The following TBX5 variants were observed in gnomAD, a reference collection of about 807,000 sequenced individuals.
The protein encoded by TBX5 is T-box transcription factor 5, also known as T-box transcription factor TBX5.
A neutral mutation model predicts 51.1 loss-of-function variants in TBX5; 8 were observed. That is an observed-to-expected ratio of 0.16 (90% CI 0.09 to 0.28). TBX5 has a LOEUF of 0.28. TBX5 is among the 10% of genes least tolerant of loss of function. The pLI, the probability that TBX5 is intolerant of heterozygous loss-of-function variation, is 1.00. For synonymous variants in TBX5, 302 were observed against 266.4 expected, an observed-to-expected ratio of 1.13 and a Z score of -1.30; for missense variants, 589 against 671.7, an observed-to-expected ratio of 0.88 and a Z score of 1.36.
At position 114,370,665 on chromosome 12, in the gene TBX5, A is replaced by C. The variant is rs866307121; in HGVS notation, c.756-4274T>G. Among the ~76,000 whole-genome samples the C allele has an allele frequency of 2.6e-3, 303 of 118,724 alleles. 1 individual carries two copies. Among genetic ancestry groups the C allele is most frequent in the African/African-American group, 9.9e-3 (268 of 27,024 alleles). 77.9% of individuals were successfully genotyped at this position (118,724 alleles called of 152,430 possible). A position where few individuals can be genotyped will look rare whatever the true frequency, so the allele number is the denominator to read the frequency against. ...TCTCTCTCTCTCTCTCTCTCTCTCTATCTATCTATCTTCCTCTTTTTTATA... is the reference window on the plus strand; with the variant it reads ...TCTCTCTCTCTCTCTCTCTCTCTCTCTCTATCTATCTTCCTCTTTTTTATA... On this transcript the variant is annotated intron_variant, in intron 7 of 8. Transcript: ENST00000405440.
chr12:114,365,956 AG>A (rs1280041359), intron 8 of TBX5: 3 of 650,690 alleles, frequency 4.6e-6, no homozygotes, highest in Non-Finnish European at 5.5e-6. Flanking sequence ...TCTCCAAAGG[AG>A]GGGCTGGAAC....
chr12:114,357,601 T>C (rs1233974870), intron 8 of TBX5, among the ~76,000 whole-genome samples: 2 of 152,204 alleles, frequency 1.3e-5, no homozygotes, highest in Non-Finnish European at 2.9e-5. Context: ...TCCGTCAACA[T>C]GAACAGCTCT....
intron 8 of TBX5, among the ~76,000 whole-genome samples, chr12:114,358,397 C>G (rs1232057032): frequency 6.6e-6 from 1 of 152,184 alleles, no homozygotes; most frequent in Non-Finnish European, 1.5e-5. Flanking sequence ...TGACTCAAGA[C>G]TAAATCCTTT....
Position 114,385,484 on chromosome 12 carries a change from T to C in TBX5, c.747A>G (p.Arg249=), listed in dbSNP as rs138552878. 135 of 1,614,110 alleles carry C rather than the reference T, an allele frequency of 8.4e-5. No homozygotes were observed. The African/African-American group carries it at 1.7e-3, about 20-fold the overall frequency. ...GGAATCCACTTTCCTACCTTTGCAT[T>C]CTTGACATTCTGTGCAGCTCCATGT... ...SDDMELHRMS[R]MQSKEYPVVP... Residue 249 remains arginine, a synonymous_variant, in exon 7 of 9, where the codon AGA becomes AGG. Transcript: ENST00000405440.
rs368311885 is a variant in TBX5, at chr12:114,403,799, C to A, written c.100G>T (p.Ala34Ser). 54 of 1,614,036 alleles carry A rather than the reference C, an allele frequency of 3.3e-5. No homozygotes were observed. The African/African-American group carries it at 5.5e-4, about 16-fold the overall frequency. The stretch of plus-strand genomic sequence containing the variant: ...GGGGACGACGGGGACTTGCTGGGGG[C>A]CCCGAGCGCGCTCTCGGGTTTCGAA... ...CDSKPESALG[A>S]PSKSPSSPQA... Residue 34 changes from alanine (A) to serine (S), a missense_variant, in exon 2 of 9, where the codon GCC becomes TCC. Ala to Ser is a moderately conservative substitution (Grantham distance 99). Transcript: ENST00000405440.
chr12:114,366,293 G>A lies in TBX5; in HGVS notation c.854C>T (p.Ser285Phe), dbSNP rs537547818. Residue 285 changes from serine (S) to phenylalanine (F), a missense_variant, in exon 8 of 9, where the codon TCC becomes TTC. By Grantham distance (155) the Ser-to-Phe change is radical. Transcript: ENST00000405440. ...SSESRALSTS[S>F]NLGSQYQCEN... is the part of the protein sequence containing the mutation. ...ACACTGGTATTGGGACCCCAAATTG[G>A]ATGAGGTGGAGAGAGCTCGAGACTC... is the stretch of plus-strand genomic sequence containing the variant. 6.2e-7 allele frequency: 1 copy of A among 1,614,110 alleles called. No homozygotes were observed. The highest frequency in any genetic ancestry group is 1.1e-5 in the South Asian group (1 of 91,072).
intron 8 of TBX5, among the ~76,000 whole-genome samples, chr12:114,357,374 C>T (rs1868984751): frequency 6.6e-6 from 1 of 152,136 alleles, no homozygotes; most frequent in African/African-American, 2.4e-5. Flanking sequence ...GCTTTGCATA[C>T]AATTTCAGGG....
chr12:114,393,795 C>T lies in TBX5; in HGVS notation c.663+946G>A, dbSNP rs572758079. Among the ~76,000 whole-genome samples, 8 of 152,306 alleles carry T rather than the reference C, an allele frequency of 5.3e-5. No individual in the cohort carries two copies. The East Asian group carries it at 1.4e-3, about 26-fold the overall frequency. Reference sequence around the variant, plus strand: ...TCCCAAGCAATGCAGGTCTGCCTCCCCTCACCAAGCTGTGGTTCTGCAGGC... The same window carrying T: ...TCCCAAGCAATGCAGGTCTGCCTCCTCTCACCAAGCTGTGGTTCTGCAGGC... On this transcript the variant is annotated intron_variant, in intron 6 of 8. Transcript: ENST00000405440.
At chr12:114,406,153 C>A, upstream of TBX5, 1 of 423,348 alleles carries the variant, frequency 2.4e-6, no homozygotes, top group Non-Finnish European at 3.2e-6. Flanking sequence ...CTGAAATCGC[C>A]TATCCAACTA....
intron 8 of TBX5, among the ~76,000 whole-genome samples, chr12:114,361,578 C>T (rs753394740): frequency 1.3e-5 from 2 of 152,072 alleles, no homozygotes; most frequent in Non-Finnish European, 2.9e-5. Flanking sequence ...TGGAGACAGC[C>T]GGTTCCAAAC....
At chr12:114,375,536 T>C (rs1382751092) in intron 7 of TBX5, among the ~76,000 whole-genome samples, 1 of 152,130 alleles carries the variant, frequency 6.6e-6, no homozygotes, top group African/African-American at 2.4e-5. Flanking sequence ...ATAATAAAAA[T>C]GTACAACTTC....
chr12:114,403,236 G>A (rs954055352), intron 2 of TBX5, among the ~76,000 whole-genome samples: 1 of 152,256 alleles, frequency 6.6e-6, no homozygotes, highest in Non-Finnish European at 1.5e-5. Context: ...CAAGACAAAT[G>A]GTGCGGCGCG....
chr12:114,369,510 G>A (rs773266183), intron 7 of TBX5, among the ~76,000 whole-genome samples: 2 of 152,162 alleles, frequency 1.3e-5, no homozygotes, highest in African/African-American at 2.4e-5. Flanking sequence ...GCATGGAATG[G>A]GGAAGTGACT....
Position 114,355,992 on chromosome 12 carries a change from G to A in TBX5, c.1097C>T (p.Ala366Val). ...SSYPQQQGLG[A>V]SYRTESAQRQ... Reference sequence around the variant, plus strand: ...CTGTGCCGACTCTGTCCTGTAGGAGGCACCCAGGCCCTGCTGCTGTGGATA... The same window carrying A: ...CTGTGCCGACTCTGTCCTGTAGGAGACACCCAGGCCCTGCTGCTGTGGATA... Residue 366 changes from alanine to valine, a missense_variant, in exon 9 of 9, where the codon GCC becomes GTC. Physicochemically the swap from Ala to Val is moderately conservative, Grantham distance 64. This residue lies in a region of TBX5 where 348 missense variants were observed against 360.4 expected (regional missense o/e 0.97). Coordinates refer to ENST00000405440, the MANE Select transcript of TBX5 (RefSeq NM_181486.4). 6.2e-7 allele frequency: 1 copy of A among 1,614,132 alleles called. No individual in the cohort carries two copies. Among genetic ancestry groups the A allele is most frequent in the Non-Finnish European group, 8.5e-7 (1 of 1,180,048 alleles).
At chr12:114,398,465 A>G (rs1871557835) in intron 5 of TBX5, 108 bp downstream of exon 5, 2 of 1,473,956 alleles carry the variant, frequency 1.4e-6, no homozygotes, top group East Asian at 2.5e-5. Context: ...GAGGAAAGAA[A>G]AGGAGAAATG....
At chr12:114,386,279 G>C (rs2136398851) in intron 6 of TBX5, among the ~76,000 whole-genome samples, 1 of 152,202 alleles carries the variant, frequency 6.6e-6, no homozygotes, top group Non-Finnish European at 1.5e-5. Context: ...TGCACGTTTT[G>C]GTTCCAGGCC....
At chr12:114,381,995 C>A (rs777767928) in intron 7 of TBX5, among the ~76,000 whole-genome samples, 1 of 152,196 alleles carries the variant, frequency 6.6e-6, no homozygotes, top group Non-Finnish European at 1.5e-5. Flanking sequence ...CTGCAAAGTT[C>A]CTACCCATCA....
intron 6 of TBX5, 80 bp from the exon 7 acceptor site, chr12:114,385,647 A>C: frequency 1.7e-6 from 2 of 1,206,276 alleles, no homozygotes; most frequent in Non-Finnish European, 2.5e-6. Flanking sequence ...GCTAATAATA[A>C]ATATCATGGA....
intron 6 of TBX5, among the ~76,000 whole-genome samples, chr12:114,387,825 C>G (rs548488022): frequency 6.6e-6 from 1 of 152,126 alleles, no homozygotes; most frequent in Non-Finnish European, 1.5e-5. Context: ...TAAAACTGCT[C>G]TAAAAAATGA....
Sources: allele counts gnomAD v4.1 joint callset (sites outside exome capture counted in the v4.1 genomes callset), GRCh38; gene constraint gnomAD v4.1.1; regional missense constraint gnomAD v4.1.1; transcripts MANE v1.5; gene names NCBI Gene and HGNC (gene_info 2026-07-23, HGNC 2026-07-21).